LINGO2: variants seen among roughly 807,000 people sequenced by gnomAD.
LINGO2 encodes leucine rich repeat and Ig domain containing 2, also known as leucine-rich repeat and immunoglobulin-like domain-containing nogo receptor-interacting protein 2.
Under a neutral mutation model 30.6 loss-of-function variants are expected in LINGO2, and 14 were observed. That is an observed-to-expected ratio of 0.46 (90% CI 0.30 to 0.72). The LOEUF is 0.72. Ranked by LOEUF, LINGO2 falls within the 30% of genes least tolerant of loss-of-function variation. The probability of loss-of-function intolerance (pLI) is 0.07; values close to 1 mark genes in which losing one functional copy is unlikely to be tolerated. For missense variants in LINGO2, 729 were observed against 751.7 expected, an observed-to-expected ratio of 0.97 and a Z score of 0.35; for synonymous variants, 317 against 288.5, an observed-to-expected ratio of 1.10 and a Z score of -1.00.
At chr9:28,237,395 A>G (rs904538049) in intron 4 of LINGO2, among the ~76,000 whole-genome samples, 1 of 152,148 alleles carries the variant, frequency 6.6e-6, no homozygotes, top group Non-Finnish European at 1.5e-5. Flanking sequence ...AAGACCACAA[A>G]ACAACCAGAA....
intron 3 of LINGO2, among the ~76,000 whole-genome samples, chr9:28,336,775 C>A (rs1025029186): frequency 1.3e-5 from 2 of 151,550 alleles, no homozygotes; most frequent in Admixed American, 1.3e-4. Flanking sequence ...TTAATCATTA[C>A]CAGTGCAAAT....
chr9:28,140,014 G>A (rs1827628744), intron 4 of LINGO2, among the ~76,000 whole-genome samples: 1 of 152,180 alleles, frequency 6.6e-6, no homozygotes, highest in Admixed American at 6.5e-5. Flanking sequence ...TGAGAATGAT[G>A]TGCATACAGA....
the LINGO2 span, among the ~76,000 whole-genome samples, chr9:28,823,667 C>T: frequency 1.2e-4 from 18 of 152,134 alleles, no homozygotes; most frequent in Admixed American, 1.2e-3. Flanking sequence ...AAGCCCCAGC[C>T]CATACATAGC....
At chr9:29,027,758 T>A in the LINGO2 span, among the ~76,000 whole-genome samples, 1 of 152,194 alleles carries the variant, frequency 6.6e-6, no homozygotes, top group Non-Finnish European at 1.5e-5. Context: ...TCAAATAGAT[T>A]TGAGTTCAAA....
At chr9:28,685,450 T>A in the LINGO2 span, among the ~76,000 whole-genome samples, 4 of 152,198 alleles carry the variant, frequency 2.6e-5, no homozygotes, top group Admixed American at 2.0e-4. Context: ...TTAGTTGTCA[T>A]TAAATTTCTG....
At chr9:28,857,675 C>T in the LINGO2 span, among the ~76,000 whole-genome samples, 5 of 151,912 alleles carry the variant, frequency 3.3e-5, no homozygotes, top group African/African-American at 9.7e-5. Context: ...CCACAGGCAA[C>T]TTAAAATCAT....
intron 4 of LINGO2, among the ~76,000 whole-genome samples, chr9:28,176,562 T>C (rs1828756760): frequency 6.6e-6 from 1 of 152,204 alleles, no homozygotes; most frequent in African/African-American, 2.4e-5. Flanking sequence ...CTGAATTTAA[T>C]ACAATATCTG....
chr9:28,716,330 G>C, the LINGO2 span, among the ~76,000 whole-genome samples: 5 of 151,942 alleles, frequency 3.3e-5, no homozygotes, highest in African/African-American at 1.2e-4. Context: ...AAGAGGGATG[G>C]AGTATGTGAA....
chr9:28,148,379 C>T lies in LINGO2; in HGVS notation c.-86-135974G>A. Reference sequence around the variant, plus strand: ...TCCTCATCTCAGAGGCAAGTTTAACCTTCAACTTCCTTCATTAGATGAGCA... The same window carrying T: ...TCCTCATCTCAGAGGCAAGTTTAACTTTCAACTTCCTTCATTAGATGAGCA... On this transcript the variant is annotated intron_variant, in intron 4 of 5. Coordinates refer to ENST00000379992, the Ensembl canonical transcript of LINGO2. This position sits in a 1 kb window ranked among gnomAD's most constrained non-coding sequence, Gnocchi z 5.1. The T allele has an allele frequency of 8.6e-7, 1 of 1,159,130 alleles. No individual in the cohort carries two copies. Among genetic ancestry groups the T allele is most frequent in the South Asian group, 1.3e-5 (1 of 76,366 alleles). The allele number at this position is 1,159,130 out of a possible 1,614,324, so 71.8% of individuals were successfully genotyped here.
At chr9:28,644,360 T>TA (rs1563888588) in intron 1 of LINGO2, among the ~76,000 whole-genome samples, 4 of 151,856 alleles carry the variant, frequency 2.6e-5, no homozygotes, top group Admixed American at 1.3e-4. Context: ...TATTCAGCCA[T>TA]AAAAAAGAAT....
chr9:28,172,029 AAAAAC>A (rs1828606993), intron 4 of LINGO2, among the ~76,000 whole-genome samples: 3 of 99,998 alleles, frequency 3.0e-5, no homozygotes, highest in African/African-American at 9.9e-5. Flanking sequence ...AAAAAAAAAA[AAAAAC>A]AAAAAAAAAA....
chr9:28,560,058 G>A (rs912105689), intron 1 of LINGO2, among the ~76,000 whole-genome samples: 12 of 143,978 alleles, frequency 8.3e-5, no homozygotes, highest in African/African-American at 3.1e-4. Context: ...TATCTCCCAA[G>A]TTAAGCAGCT....
At chr9:28,127,386 A>G (rs929476083) in intron 4 of LINGO2, among the ~76,000 whole-genome samples, 2 of 152,352 alleles carry the variant, frequency 1.3e-5, no homozygotes, top group Non-Finnish European at 1.5e-5. Flanking sequence ...CATCAGCCTC[A>G]GTCAAGATGC....
the LINGO2 span, among the ~76,000 whole-genome samples, chr9:29,034,635 G>C: frequency 6.6e-6 from 1 of 151,978 alleles, no homozygotes; most frequent in African/African-American, 2.4e-5. Flanking sequence ...ATTTTGCTCT[G>C]AACACAAGCG....
At chr9:28,864,164 C>T in the LINGO2 span, among the ~76,000 whole-genome samples, 1 of 152,080 alleles carries the variant, frequency 6.6e-6, no homozygotes, top group African/African-American at 2.4e-5. Context: ...ACTTTATACT[C>T]ATATAATCTC....
At chr9:28,069,008 A>T (rs566460225) in intron 4 of LINGO2, among the ~76,000 whole-genome samples, 1 of 152,250 alleles carries the variant, frequency 6.6e-6, no homozygotes, top group South Asian at 2.1e-4. Flanking sequence ...TTGGAAGAAC[A>T]TGTGCACAAA....
At chr9:29,006,634 C>T in the LINGO2 span, among the ~76,000 whole-genome samples, 2 of 152,012 alleles carry the variant, frequency 1.3e-5, no homozygotes, top group African/African-American at 4.8e-5. Flanking sequence ...CAGTTGTTTT[C>T]CTTTTTTCTT....
intron 5 of LINGO2, among the ~76,000 whole-genome samples, chr9:27,973,148 A>G (rs1447320742): frequency 1.3e-5 from 2 of 152,160 alleles, no homozygotes; most frequent in Non-Finnish European, 2.9e-5. Context: ...GCATGATCCA[A>G]TGACCATAAA....
the LINGO2 span, among the ~76,000 whole-genome samples, chr9:29,014,521 TGA>T: frequency 6.6e-6 from 1 of 152,010 alleles, no homozygotes; most frequent in African/African-American, 2.4e-5. Flanking sequence ...AGTAAGTGAT[TGA>T]GAGAAAAAAA....
Sources: allele counts gnomAD v4.1 joint callset (sites outside exome capture counted in the v4.1 genomes callset), GRCh38; gene constraint gnomAD v4.1.1; non-coding constraint Gnocchi (gnomAD v3.1); transcripts MANE v1.5; gene names NCBI Gene and HGNC (gene_info 2026-07-23, HGNC 2026-07-21).